Variants in TRIM42 observed in about 807,000 individuals in gnomAD.
The protein encoded by TRIM42 is tripartite motif containing 42.
TRIM42 carries 59 observed loss-of-function variants against 64.9 expected under a neutral mutation model. The observed-to-expected ratio is 0.91, with a 90% CI of 0.74 to 1.13. The LOEUF is 1.13. Among genes scored for constraint, TRIM42 ranks in the 50% most tolerant of loss-of-function variants. The pLI, the probability that TRIM42 is intolerant of heterozygous loss-of-function variation, is 0.00. For missense variants in TRIM42, 878 were observed against 929.5 expected (o/e 0.94, Z 0.72); for synonymous variants, 354 against 346.3 (o/e 1.02, Z -0.25).
chr3:140,698,538 A>G lies in TRIM42; in HGVS notation c.2086-2350A>G, dbSNP rs139328996. Among the ~76,000 whole-genome samples, 292 of 152,368 alleles carry G rather than the reference A, an allele frequency of 1.9e-3. 1 individual carries two copies. Among genetic ancestry groups the G allele is most frequent in the African/African-American group, 6.8e-3 (282 of 41,592 alleles). On this transcript the variant is annotated intron_variant, in intron 4 of 4. Coordinates refer to ENST00000286349, the MANE Select transcript of TRIM42 (RefSeq NM_152616.5). ...AAAAGATAACTGTGAGATGGTGGGTATGCTAATTTGCCTGCCTGTAGTAAT... is the reference window on the plus strand; with the variant it reads ...AAAAGATAACTGTGAGATGGTGGGTGTGCTAATTTGCCTGCCTGTAGTAAT...
At position 140,683,138 on chromosome 3, in the gene TRIM42, G is replaced by A. The variant is rs772328260; in HGVS notation, c.1018G>A (p.Ala340Thr). The A allele has an allele frequency of 2.4e-5, 39 of 1,613,976 alleles. No homozygotes were observed. Among genetic ancestry groups the A allele is most frequent in the East Asian group, 1.3e-4 (6 of 44,866 alleles). The change falls in exon 2 of 5, where the codon GCC (alanine) becomes ACC (threonine). Residue 340 changes from alanine (A) to threonine (T), a missense_variant. Physicochemically the swap from Ala to Thr is moderately conservative, Grantham distance 58. Transcript: ENST00000286349. ...CSERAASLFSAIAKFKAVRYE... is the reference protein window; with the variant it reads ...CSERAASLFSTIAKFKAVRYE... Reference sequence around the variant, plus strand: ...CGAGAGGGCCGCCTCACTCTTCAGCGCCATCGCCAAGTTCAAAGCAGGTCC... The same window carrying A: ...CGAGAGGGCCGCCTCACTCTTCAGCACCATCGCCAAGTTCAAAGCAGGTCC...
intron 3 of TRIM42, 89 bp downstream of exon 3, chr3:140,688,631 T>C: frequency 9.7e-7 from 1 of 1,034,414 alleles, no homozygotes; most frequent in Non-Finnish European, 1.4e-6. Context: ...CACTTACCTC[T>C]TTGACCTCTA....
At position 140,698,216 on chromosome 3, in the gene TRIM42, T is replaced by C. The variant is rs1317242233; in HGVS notation, c.2086-2672T>C. Among the ~76,000 whole-genome samples, 6 of 152,344 alleles carry C rather than the reference T, an allele frequency of 3.9e-5. No homozygotes were observed. In the South Asian group the frequency reaches 6.2e-4, roughly 16 times the overall value. Reference sequence around the variant, plus strand: ...AATCATAGAAATTTATTTCTTCATATACATTTTGGAGTAACTTGAATTCTT... The same window carrying C: ...AATCATAGAAATTTATTTCTTCATACACATTTTGGAGTAACTTGAATTCTT... On this transcript the variant is annotated intron_variant, in intron 4 of 4. Coordinates refer to ENST00000286349, the MANE Select transcript of TRIM42 (RefSeq NM_152616.5).
In TRIM42 at chr3:140,678,371, CG is replaced by C; in HGVS notation, c.144del (p.Asn49ThrfsTer83). On this transcript the variant is annotated frameshift_variant, in exon 1 of 5. Transcript: ENST00000286349. LOFTEE classifies it high-confidence loss of function. ...TCFPCPYKDE[R>X]NCQFCHCTCS... Reference sequence around the variant, plus strand: ...CTTCCCCTGCCCTTACAAAGATGAGCGGAACTGCCAGTTCTGCCACTGCACC... The same window carrying C: ...CTTCCCCTGCCCTTACAAAGATGAGCGAACTGCCAGTTCTGCCACTGCACC... 1 of 1,614,160 alleles carries C rather than the reference CG, an allele frequency of 6.2e-7. No homozygotes were observed. Among genetic ancestry groups the C allele is most frequent in the Non-Finnish European group, 8.5e-7 (1 of 1,180,028 alleles).
At position 140,691,022 on chromosome 3, in the gene TRIM42, G is replaced by C; in HGVS notation, c.1915G>C (p.Glu639Gln). 1.9e-6 allele frequency: 3 copies of C among 1,614,114 alleles called. No homozygotes were observed. The highest frequency in any genetic ancestry group is 2.5e-6 in the Non-Finnish European group (3 of 1,180,000). ...GGACTCTTTTGAGATGGAATTCTAT[G>C]AAGTCATTACTTCTCCTCCTAACAA... is the stretch of plus-strand genomic sequence containing the variant. ...DVDSFEMEFY[E>Q]VITSPPNNVQ... Residue 639 changes from glutamate to glutamine, a missense_variant, in exon 4 of 5, where the codon GAA becomes CAA. By Grantham distance (29) the Glu-to-Gln change is conservative. Coordinates refer to ENST00000286349, the MANE Select transcript of TRIM42 (RefSeq NM_152616.5).
At position 140,678,212 on chromosome 3, in the gene TRIM42, G is replaced by T; in HGVS notation, c.-18G>T. The T allele has an allele frequency of 6.2e-7, 1 of 1,604,650 alleles. No homozygotes were observed. Reference sequence around the variant, plus strand: ...GCATCAAGAGTCCTGGGAGGCCGGTGGTAATCATGTAGGCACCATGGAAAC... The same window carrying T: ...GCATCAAGAGTCCTGGGAGGCCGGTTGTAATCATGTAGGCACCATGGAAAC... On this transcript the variant is annotated 5_prime_UTR_variant, in exon 1 of 5. Transcript: ENST00000286349.
At chr3:140,682,418 C>G in intron 1 of TRIM42, 44 bp from the exon 2 acceptor site, 1 of 1,573,232 alleles carries the variant, frequency 6.4e-7, no homozygotes, top group Non-Finnish European at 8.7e-7. Flanking sequence ...AGAGCAAGCT[C>G]TTGAGCCTGC....
At chr3:140,681,811 A>T (rs1230574396) in intron 1 of TRIM42, among the ~76,000 whole-genome samples, 1 of 152,040 alleles carries the variant, frequency 6.6e-6, no homozygotes, top group Non-Finnish European at 1.5e-5. Context: ...AATCTATTGA[A>T]TATCTTAATA....
In TRIM42 at chr3:140,682,925, G is replaced by T; in HGVS notation, c.805G>T (p.Asp269Tyr). The T allele has an allele frequency of 6.2e-7, 1 of 1,614,196 alleles. No individual in the cohort carries two copies. The highest frequency in any genetic ancestry group is 8.5e-7 in the Non-Finnish European group (1 of 1,180,034). ...CGACTGCCTCAAGGCCTTCCACTCG[G>T]ATGTGGCCATGCAAGACCACGTCTT... The part of the protein sequence containing the change: ...CNDCLKAFHS[D>Y]VAMQDHVFVD... Residue 269 changes from aspartate to tyrosine, a missense_variant, in exon 2 of 5, where the codon GAT becomes TAT. Physicochemically the swap from Asp to Tyr is radical, Grantham distance 160. Coordinates refer to ENST00000286349, the MANE Select transcript of TRIM42 (RefSeq NM_152616.5).
At chr3:140,687,675 C>A in intron 2 of TRIM42, 47 bp from the exon 3 acceptor site, 1 of 1,445,872 alleles carries the variant, frequency 6.9e-7, no homozygotes. Flanking sequence ...ACTTTGACAC[C>A]TGGGGAGATG....
At chr3:140,693,692 T>C (rs911847823) in intron 4 of TRIM42, among the ~76,000 whole-genome samples, 1 of 152,356 alleles carries the variant, frequency 6.6e-6, no homozygotes, top group East Asian at 1.9e-4. Flanking sequence ...GGCAGCAGGA[T>C]CATTTCTTAT....
At chr3:140,695,280 C>A (rs191402821) in intron 4 of TRIM42, among the ~76,000 whole-genome samples, 2 of 152,108 alleles carry the variant, frequency 1.3e-5, no homozygotes, top group Admixed American at 1.3e-4. Context: ...TGACTAGCAA[C>A]CTTAATTCCC....
intron 4 of TRIM42, among the ~76,000 whole-genome samples, chr3:140,700,530 G>A (rs989824001): frequency 7.9e-5 from 12 of 152,140 alleles, no homozygotes; most frequent in African/African-American, 2.9e-4. Flanking sequence ...GATAAAAGCT[G>A]TGACAGAACC....
At chr3:140,685,916 G>T (rs557768556) in intron 2 of TRIM42, among the ~76,000 whole-genome samples, 1 of 152,250 alleles carries the variant, frequency 6.6e-6, no homozygotes, top group African/African-American at 2.4e-5. Flanking sequence ...ATATGGATCT[G>T]GTCCATAAAA....
intron 4 of TRIM42, among the ~76,000 whole-genome samples, chr3:140,697,706 C>T (rs904868376): frequency 6.6e-6 from 1 of 152,124 alleles, no homozygotes; most frequent in Non-Finnish European, 1.5e-5. Context: ...TGTTTTGAGA[C>T]GGAGTCTCGC....
intron 2 of TRIM42, among the ~76,000 whole-genome samples, chr3:140,685,943 C>T (rs1988535782): frequency 6.6e-6 from 1 of 152,106 alleles, no homozygotes; most frequent in African/African-American, 2.4e-5. Flanking sequence ...TAATAAATAA[C>T]AACTAGTTTT....
chr3:140,698,319 T>A (rs1201526561), intron 4 of TRIM42, among the ~76,000 whole-genome samples: 1 of 152,254 alleles, frequency 6.6e-6, no homozygotes, highest in Non-Finnish European at 1.5e-5. Context: ...ATTTTTGTAA[T>A]ATGTTTGAAC....
At chr3:140,697,796 G>A (rs1988893678) in intron 4 of TRIM42, among the ~76,000 whole-genome samples, 1 of 152,164 alleles carries the variant, frequency 6.6e-6, no homozygotes, top group Non-Finnish European at 1.5e-5. Context: ...CCATTCTCCT[G>A]CCTCAGCCTC....
intron 1 of TRIM42, among the ~76,000 whole-genome samples, chr3:140,681,807 T>C (rs559311626): frequency 6.6e-6 from 1 of 151,856 alleles, no homozygotes; most frequent in Non-Finnish European, 1.5e-5. Flanking sequence ...AGTAAATCTA[T>C]TGAATATCTT....
Sources: gnomAD v4.1 joint callset for allele counts (sites outside exome capture counted in the v4.1 genomes callset) on GRCh38, gnomAD v4.1.1 for gene constraint, MANE v1.5 for transcripts, NCBI Gene and HGNC (gene_info 2026-07-23, HGNC 2026-07-21) for gene names.